The following RNF130 variants were observed in gnomAD, a reference collection of about 807,000 sequenced individuals.
The protein encoded by RNF130 is ring finger protein 130.
In RNF130, 21 loss-of-function variants were observed where a neutral mutation model predicts 44.6. The ratio of observed to expected loss-of-function variants is 0.47; its 90% CI spans 0.33 to 0.68. The LOEUF (loss-of-function observed/expected upper bound fraction) is 0.68, where lower values mean the gene tolerates loss of function less well. Among genes scored for constraint, RNF130 ranks in the 30% least tolerant of loss-of-function variants. RNF130 has a pLI of 0.02. For missense variants in RNF130, 479 were observed against 560.6 expected (o/e 0.85, Z 1.47); for synonymous variants, 214 against 210.4 (o/e 1.02, Z -0.15).
chr5:180,013,006 G>C, intron 3 of RNF130, 55 bp downstream of exon 3: 1 of 1,560,708 alleles, frequency 6.4e-7, no homozygotes, highest in Non-Finnish European at 8.7e-7. Context: ...GGTCACGACA[G>C]ATGACTGTGA....
At chr5:180,041,549 C>G (rs977281221) in intron 1 of RNF130, among the ~76,000 whole-genome samples, 1 of 152,190 alleles carries the variant, frequency 6.6e-6, no homozygotes, top group African/African-American at 2.4e-5. Context: ...CCCCCGGCTG[C>G]TCTTCCCACT....
At chr5:179,923,738 C>A (rs1049283501) in intron 7 of RNF130, among the ~76,000 whole-genome samples, 6 of 152,182 alleles carry the variant, frequency 3.9e-5, no homozygotes, top group African/African-American at 1.4e-4. Context: ...TTGCTTTGAA[C>A]CTATTTCGGT....
At chr5:179,958,714 T>C (rs567193800) in intron 8 of RNF130, among the ~76,000 whole-genome samples, 1 of 152,186 alleles carries the variant, frequency 6.6e-6, no homozygotes, top group African/African-American at 2.4e-5. Context: ...GAGACAGAGT[T>C]TCACTCTGGT....
intron 2 of RNF130, among the ~76,000 whole-genome samples, chr5:180,030,702 C>T (rs905344891): frequency 6.6e-6 from 1 of 152,122 alleles, no homozygotes; most frequent in Non-Finnish European, 1.5e-5. Context: ...AATCTTCATG[C>T]CCAGCTCTAC....
At chr5:180,071,293 G>A (rs1359093253) in intron 1 of RNF130, among the ~76,000 whole-genome samples, 163 bp downstream of exon 1, 1 of 152,244 alleles carries the variant, frequency 6.6e-6, no homozygotes. Context: ...TGGTTCCCAC[G>A]GGAGCAGGCC....
chr5:180,035,838 T>C (rs1376440608), intron 2 of RNF130, among the ~76,000 whole-genome samples: 1 of 152,254 alleles, frequency 6.6e-6, no homozygotes, highest in Admixed American at 6.5e-5. Context: ...CCAGCATGTC[T>C]GTCTGGCTCG....
intron 7 of RNF130, among the ~76,000 whole-genome samples, chr5:179,948,485 C>T (rs1045448304): frequency 6.6e-6 from 1 of 152,120 alleles, no homozygotes; most frequent in Admixed American, 6.5e-5. Context: ...GCCTAGCCAA[C>T]ATGGTGAAAC....
At chr5:179,999,658 A>G in intron 3 of RNF130, among the ~76,000 whole-genome samples, 1 of 152,226 alleles carries the variant, frequency 6.6e-6, no homozygotes, top group East Asian at 1.9e-4. Context: ...CGAAGGTTGC[A>G]GTGAGCCAAG....
At chr5:180,053,209 C>T (rs183500054) in intron 1 of RNF130, among the ~76,000 whole-genome samples, 124 of 152,200 alleles carry the variant, frequency 8.1e-4, no homozygotes, top group East Asian at 2.3e-3. Context: ...ATTGCAACCA[C>T]CTAGAGCTGC....
At chr5:179,957,507 C>T (rs1016821130) in intron 8 of RNF130, among the ~76,000 whole-genome samples, 1 of 152,188 alleles carries the variant, frequency 6.6e-6, no homozygotes, top group Non-Finnish European at 1.5e-5. Flanking sequence ...GTTGCAACTG[C>T]ATTTTTAGGA....
At chr5:180,010,124 G>C (rs1763557266) in intron 3 of RNF130, among the ~76,000 whole-genome samples, 2 of 151,822 alleles carry the variant, frequency 1.3e-5, no homozygotes, top group Admixed American at 6.6e-5. Context: ...GCAGGCACCT[G>C]TAGTCCCAGC....
chr5:179,942,793 G>A lies in RNF130; in HGVS notation c.1151-22367C>T, dbSNP rs562643479. 2.0e-5 allele frequency among the ~76,000 whole-genome samples: 3 copies of A among 152,330 alleles called. No homozygotes were observed. In the South Asian group the frequency reaches 6.2e-4, roughly 32 times the overall value. ...TTCAGAGATGCTGTAATGTTTCTTA[G>A]AACATCCTCTGCGAATTTGCTGCTA... On this transcript the variant is annotated intron_variant, in intron 7 of 7. Transcript: ENST00000522208.
intron 7 of RNF130, among the ~76,000 whole-genome samples, chr5:179,920,936 A>T (rs1388349791): frequency 6.6e-6 from 1 of 151,740 alleles, no homozygotes; most frequent in Non-Finnish European, 1.5e-5. Context: ...CTGAATTCCC[A>T]CTGTGGAAGA....
rs562257132 is a variant in RNF130, at chr5:179,926,367, C to T, written c.1151-5941G>A. Among the ~76,000 whole-genome samples the T allele has an allele frequency of 9.1e-4, 138 of 152,232 alleles. 1 individual carries two copies. The highest frequency in any genetic ancestry group is 3.1e-3 in the African/African-American group (127 of 41,510). ...ATATCCTTCATAATAAATCTCAGGC[C>T]GGGTGCGGTGGCTCATGCCTATAAT... On this transcript the variant is annotated intron_variant, in intron 7 of 7. Coordinates refer to the RNF130 transcript ENST00000522208.
At chr5:180,045,720 A>C (rs1239674703) in intron 1 of RNF130, among the ~76,000 whole-genome samples, 2 of 152,202 alleles carry the variant, frequency 1.3e-5, no homozygotes, top group African/African-American at 4.8e-5. Flanking sequence ...AGTTAGACAC[A>C]GAGTGCCAAT....
intron 1 of RNF130, among the ~76,000 whole-genome samples, chr5:180,052,193 C>G (rs973429798): frequency 6.6e-6 from 1 of 152,224 alleles, no homozygotes; most frequent in Non-Finnish European, 1.5e-5. Flanking sequence ...TCGACTACCA[C>G]CTGTGTACAT....
At chr5:180,040,052 T>C (rs1338947611) in intron 2 of RNF130, among the ~76,000 whole-genome samples, 1 of 152,234 alleles carries the variant, frequency 6.6e-6, no homozygotes, top group Non-Finnish European at 1.5e-5. Context: ...ACTGAAATTA[T>C]ATTAATTACT....
At chr5:179,932,897 T>G (rs529725717) in intron 7 of RNF130, among the ~76,000 whole-genome samples, 30 of 152,280 alleles carry the variant, frequency 2.0e-4, no homozygotes, top group African/African-American at 6.7e-4. Flanking sequence ...ATTTTCTTTC[T>G]TGTAATGCCC....
chr5:179,982,773 G>A (rs181537582), intron 3 of RNF130, among the ~76,000 whole-genome samples: 3 of 152,086 alleles, frequency 2.0e-5, no homozygotes, highest in Non-Finnish European at 4.4e-5. Flanking sequence ...TTGTAGAGAC[G>A]AGGTCTCACT....
Sources: gnomAD v4.1 joint callset for allele counts (sites outside exome capture counted in the v4.1 genomes callset) on GRCh38, gnomAD v4.1.1 for gene constraint, MANE v1.5 for transcripts, NCBI Gene and HGNC (gene_info 2026-07-23, HGNC 2026-07-21) for gene names.